COL22A1: variants seen among roughly 807,000 people sequenced by gnomAD.
The protein encoded by COL22A1 is collagen type XXII alpha 1 chain.
Under a neutral mutation model 248.9 loss-of-function variants are expected in COL22A1, and 221 were observed. That is an observed-to-expected ratio of 0.89 (90% confidence interval 0.80 to 0.99). The LOEUF (loss-of-function observed/expected upper bound fraction) is 0.99, where lower values mean the gene tolerates loss of function less well. Ranked by LOEUF, COL22A1 falls within the 50% of genes least tolerant of loss-of-function variation. The pLI is 0.00. For missense variants in COL22A1, 2,240 were observed against 2,179.0 expected, an observed-to-expected ratio of 1.03 and a Z score of -0.56; for synonymous variants, 891 against 793.4, an observed-to-expected ratio of 1.12 and a Z score of -2.07.
At chr8:138,819,969 A>G (rs1291792765) in intron 7 of COL22A1, among the ~76,000 whole-genome samples, 1 of 151,950 alleles carries the variant, frequency 6.6e-6, no homozygotes, top group East Asian at 1.9e-4. Flanking sequence ...ATGGAGATGT[A>G]CCCCCCTTTT....
chr8:138,908,933 A>G lies in COL22A1; in HGVS notation c.-73+4686T>C, dbSNP rs536210917. Among the ~76,000 whole-genome samples the G allele has an allele frequency of 2.0e-5, 3 of 152,308 alleles. No individual in the cohort carries two copies. In the South Asian group the frequency reaches 6.2e-4, roughly 32 times the overall value. ...CTGGAGGTTGCCTTAGGAGGTAGCA[A>G]TCCCTCTGCCCCTGGAGATGGGCAA... is the stretch of plus-strand genomic sequence containing the variant. On this transcript the variant is annotated intron_variant, in intron 1 of 64. Transcript: ENST00000303045.
intron 45 of COL22A1, among the ~76,000 whole-genome samples, chr8:138,654,330 A>G (rs1823020203): frequency 6.6e-6 from 1 of 152,182 alleles, no homozygotes; most frequent in Non-Finnish European, 1.5e-5. Flanking sequence ...AAAAAAAATA[A>G]CTACCGCACT....
At chr8:138,776,605 C>A (rs1814484773) in intron 15 of COL22A1, among the ~76,000 whole-genome samples, 1 of 152,062 alleles carries the variant, frequency 6.6e-6, no homozygotes, top group African/African-American at 2.4e-5. Context: ...AGTGCAGGAT[C>A]CAAAACATGA....
intron 32 of COL22A1, among the ~76,000 whole-genome samples, chr8:138,695,590 A>T (rs1827441863): frequency 6.6e-6 from 1 of 151,488 alleles, no homozygotes; most frequent in Admixed American, 6.6e-5. Flanking sequence ...TGAACCCTAG[A>T]CTCTGGGTGG....
At chr8:138,867,888 C>T (rs1464388482) in intron 3 of COL22A1, among the ~76,000 whole-genome samples, 1 of 152,158 alleles carries the variant, frequency 6.6e-6, no homozygotes, top group Non-Finnish European at 1.5e-5. Context: ...CCTCAGCCTC[C>T]TGAGCAGCTG....
intron 49 of COL22A1, among the ~76,000 whole-genome samples, chr8:138,633,548 AGCTGTT>A (rs1420516912): frequency 6.6e-6 from 1 of 152,262 alleles, no homozygotes; most frequent in Non-Finnish European, 1.5e-5. Context: ...TGAGATCCTC[AGCTGTT>A]AAGGAGCACA....
chr8:138,684,424 C>T lies in COL22A1; in HGVS notation c.3012+1G>A. On this transcript the variant is annotated splice_donor_variant, in intron 39 of 64. Transcript: ENST00000303045. LOFTEE classifies it high-confidence loss of function. ...CACAGTTTTCTTGGACAAGCACTCA[C>T]CTTGGTTCCTAGGGGTCCAGGGAGT... 6.2e-7 allele frequency: 1 copy of T among 1,607,752 alleles called. No individual in the cohort carries two copies. The highest frequency in any genetic ancestry group is 8.5e-7 in the Non-Finnish European group (1 of 1,174,220).
chr8:138,690,284 T>C (rs751877745), intron 36 of COL22A1, among the ~76,000 whole-genome samples: 1 of 152,166 alleles, frequency 6.6e-6, no homozygotes, highest in African/African-American at 2.4e-5. Context: ...TTATGGTGAA[T>C]CTTAAAGCTG....
At chr8:138,705,882 G>A (rs1353863415) in intron 30 of COL22A1, among the ~76,000 whole-genome samples, 1 of 151,964 alleles carries the variant, frequency 6.6e-6, no homozygotes, top group Admixed American at 6.6e-5. Flanking sequence ...GTATTCAGGA[G>A]ACCCATCTCA....
At chr8:138,657,491 G>A (rs1417844593) in intron 44 of COL22A1, among the ~76,000 whole-genome samples, 1 of 152,214 alleles carries the variant, frequency 6.6e-6, no homozygotes, top group African/African-American at 2.4e-5. Context: ...AAGGGAGAGA[G>A]AATGAGGAGT....
intron 30 of COL22A1, among the ~76,000 whole-genome samples, chr8:138,715,036 CAG>C (rs1243756181): frequency 6.6e-6 from 1 of 152,164 alleles, no homozygotes; most frequent in Non-Finnish European, 1.5e-5. Context: ...ACAGGCGACA[CAG>C]AGCACTCAGC....
intron 56 of COL22A1, among the ~76,000 whole-genome samples, 182 bp from the exon 57 acceptor site, chr8:138,608,171 T>C (rs1564090830): frequency 6.6e-6 from 1 of 152,248 alleles, no homozygotes; most frequent in Non-Finnish European, 1.5e-5. Context: ...AAGGAACTTG[T>C]AATATTTAAT....
chr8:138,646,552 C>T lies in COL22A1; in HGVS notation c.3501+77G>A, dbSNP rs1344656959. The T allele has an allele frequency of 1.1e-5, 13 of 1,175,330 alleles. No homozygotes were observed. The East Asian group carries it at 3.0e-4, about 27-fold the overall frequency. The allele number at this position is 1,175,330 out of a possible 1,614,324, so 72.8% of individuals were successfully genotyped here. On this transcript the variant is annotated intron_variant, in intron 47 of 64. Coordinates refer to ENST00000303045, the MANE Select transcript of COL22A1 (RefSeq NM_152888.3). ...AAAACCACTCCTTTACACTGGCCAT[C>T]ACTCTTCCTTAAATTGAGATTAACC... is the stretch of plus-strand genomic sequence containing the variant.
At chr8:138,645,403 G>T (rs1056821798) in intron 47 of COL22A1, among the ~76,000 whole-genome samples, 9 of 152,148 alleles carry the variant, frequency 5.9e-5, no homozygotes, top group African/African-American at 2.2e-4. Flanking sequence ...CAGGCATAGT[G>T]TCTATTCTGC....
At chr8:138,630,623 T>C (rs1820632104) in intron 50 of COL22A1, 72 bp downstream of exon 50, 4 of 1,338,162 alleles carry the variant, frequency 3.0e-6, no homozygotes, top group African/African-American at 2.9e-5. Flanking sequence ...AAGAGCAGAA[T>C]TGGCAAACAC....
At chr8:138,911,133 G>A (rs1008385494) in intron 1 of COL22A1, among the ~76,000 whole-genome samples, 5 of 152,152 alleles carry the variant, frequency 3.3e-5, no homozygotes, top group Non-Finnish European at 5.9e-5. Flanking sequence ...CTCCTGTAGT[G>A]GGGGACTCAC....
chr8:138,772,072 G>A (rs748526547), intron 16 of COL22A1, among the ~76,000 whole-genome samples: 6 of 150,462 alleles, frequency 4.0e-5, no homozygotes, highest in Non-Finnish European at 7.4e-5. Context: ...CCAGGGTTTC[G>A]TCTAACCCTG....
At chr8:138,872,598 C>G (rs1158077571) in intron 3 of COL22A1, among the ~76,000 whole-genome samples, 1 of 152,222 alleles carries the variant, frequency 6.6e-6, no homozygotes, top group African/African-American at 2.4e-5. Context: ...GTGGAGAAAA[C>G]TCTTAATTAT....
chr8:138,696,668 T>C (rs547534479), intron 32 of COL22A1, among the ~76,000 whole-genome samples: 8 of 152,338 alleles, frequency 5.3e-5, no homozygotes, highest in African/African-American at 1.7e-4. Flanking sequence ...ACCTATTGCA[T>C]GGAACCGACA....
Sources: gnomAD v4.1 joint callset for allele counts (sites outside exome capture counted in the v4.1 genomes callset) on GRCh38, gnomAD v4.1.1 for gene constraint, MANE v1.5 for transcripts, NCBI Gene and HGNC (gene_info 2026-07-23, HGNC 2026-07-21) for gene names.